The following UNC5D variants were observed in gnomAD, a reference collection of about 807,000 sequenced individuals.
The protein encoded by UNC5D is unc-5 netrin receptor D.
In UNC5D, 39 loss-of-function variants were observed where a neutral mutation model predicts 105.4. The ratio of observed to expected loss-of-function variants is 0.37; its 90% CI spans 0.29 to 0.48. UNC5D has a LOEUF of 0.48. UNC5D is among the 20% of genes least tolerant of loss of function. The probability of loss-of-function intolerance (pLI) is 0.98; values close to 1 mark genes in which losing one functional copy is unlikely to be tolerated. For missense variants in UNC5D, 991 were observed against 1,202.4 expected, an observed-to-expected ratio of 0.82 and a Z score of 2.60; for synonymous variants, 452 against 450.4, an observed-to-expected ratio of 1.00 and a Z score of -0.04.
In UNC5D at chr8:35,237,941, A is replaced by G. The variant is rs564362233; in HGVS notation, c.103+2054A>G. On this transcript the variant is annotated intron_variant, in intron 1 of 16. Transcript: ENST00000404895. Reference sequence around the variant, plus strand: ...AGTGCTTATGAAGTTCTCCCTTCCCAGAAAGGTGTCCATTCATTAAAACCA... The same window carrying G: ...AGTGCTTATGAAGTTCTCCCTTCCCGGAAAGGTGTCCATTCATTAAAACCA... 5.6e-4 allele frequency among the ~76,000 whole-genome samples: 86 copies of G among 152,310 alleles called. 1 individual carries two copies. The highest frequency in any genetic ancestry group is 1.8e-3 in the African/African-American group (76 of 41,568).
At chr8:35,668,541 C>G (rs1035623384) in intron 4 of UNC5D, among the ~76,000 whole-genome samples, 1 of 151,894 alleles carries the variant, frequency 6.6e-6, no homozygotes, top group African/African-American at 2.4e-5. Flanking sequence ...AGAATATTTA[C>G]CCATGCTTTC....
intron 16 of UNC5D, among the ~76,000 whole-genome samples, chr8:35,775,774 G>A (rs1255106538): frequency 1.3e-5 from 2 of 152,112 alleles, no homozygotes; most frequent in Admixed American, 6.6e-5. Context: ...AGTTGCAAAA[G>A]GGATCCAGAA....
At chr8:35,333,942 T>C (rs1457903160) in intron 1 of UNC5D, among the ~76,000 whole-genome samples, 1 of 152,220 alleles carries the variant, frequency 6.6e-6, no homozygotes, top group African/African-American at 2.4e-5. Context: ...GAGCTTCAGA[T>C]TCAGCTGTAA....
chr8:35,575,796 T>C (rs958414681), intron 3 of UNC5D, among the ~76,000 whole-genome samples: 1 of 152,126 alleles, frequency 6.6e-6, no homozygotes, highest in African/African-American at 2.4e-5. Flanking sequence ...GAAATTAATA[T>C]ATAGGAATAC....
At chr8:35,449,955 A>G (rs1213357503) in intron 1 of UNC5D, among the ~76,000 whole-genome samples, 1 of 152,134 alleles carries the variant, frequency 6.6e-6, no homozygotes, top group African/African-American at 2.4e-5. Context: ...TCAAGAATCC[A>G]TTCCCATTTA....
At chr8:35,686,435 G>T in intron 6 of UNC5D, 110 bp from the exon 7 acceptor site, 2 of 1,171,758 alleles carry the variant, frequency 1.7e-6, no homozygotes, top group Non-Finnish European at 2.3e-6. Context: ...GTTTCTGTTT[G>T]GTGGTTATTT....
In UNC5D at chr8:35,425,998, G is replaced by A. The variant is rs145421923; in HGVS notation, c.104-123294G>A. 4.6e-5 allele frequency among the ~76,000 whole-genome samples: 7 copies of A among 151,938 alleles called. No individual in the cohort carries two copies. In the South Asian group the frequency reaches 6.2e-4, roughly 14 times the overall value. On this transcript the variant is annotated intron_variant, in intron 1 of 16. Coordinates refer to ENST00000404895, the MANE Select transcript of UNC5D (RefSeq NM_080872.4). ...CCTGACACATAACCCTCCATGTAAC[G>A]CCATGAACGACAGAAATTTAACCAA...
chr8:35,745,395 G>T, intron 11 of UNC5D, among the ~76,000 whole-genome samples: 1 of 152,140 alleles, frequency 6.6e-6, no homozygotes, highest in East Asian at 1.9e-4. Flanking sequence ...GGCATTTTTA[G>T]TAGGATGACT....
intron 11 of UNC5D, among the ~76,000 whole-genome samples, chr8:35,738,843 T>A (rs1016364424): frequency 6.6e-6 from 1 of 152,232 alleles, no homozygotes; most frequent in African/African-American, 2.4e-5. Flanking sequence ...TGAAAATGCG[T>A]GAATCGTCCA....
chr8:35,294,857 T>G (rs567193492), intron 1 of UNC5D, among the ~76,000 whole-genome samples: 1 of 152,284 alleles, frequency 6.6e-6, no homozygotes, highest in East Asian at 1.9e-4. Flanking sequence ...ACACTCAGCA[T>G]CACTAGTGGT....
At chr8:35,652,212 A>T (rs1823457342) in intron 4 of UNC5D, among the ~76,000 whole-genome samples, 1 of 152,210 alleles carries the variant, frequency 6.6e-6, no homozygotes, top group Admixed American at 6.5e-5. Context: ...ATGTTATTTT[A>T]TGATGGTTAA....
intron 4 of UNC5D, among the ~76,000 whole-genome samples, chr8:35,665,123 C>T (rs1247688833): frequency 6.6e-6 from 1 of 152,224 alleles, no homozygotes; most frequent in Non-Finnish European, 1.5e-5. Flanking sequence ...ATGTGAGCCA[C>T]TGTGCCCAGC....
chr8:35,774,275 A>T, intron 15 of UNC5D, 24 bp from the exon 16 acceptor site: 2 of 1,613,508 alleles, frequency 1.2e-6, no homozygotes, highest in Non-Finnish European at 1.7e-6. Context: ...AGATCTGATC[A>T]TGCGTTCCTT....
chr8:35,709,350 AGAGT>A (rs1313325943), intron 8 of UNC5D, among the ~76,000 whole-genome samples: 3 of 152,194 alleles, frequency 2.0e-5, no homozygotes, highest in African/African-American at 7.2e-5. Context: ...TGACAGGGTT[AGAGT>A]GAGTGATGCT....
At chr8:35,581,301 C>A (rs148687840) in intron 3 of UNC5D, among the ~76,000 whole-genome samples, 1,542 of 152,196 alleles carry the variant, frequency 0.01, 15 homozygotes, top group Admixed American at 0.02. Flanking sequence ...GCTTTGTTTG[C>A]TGTCTATATT....
In UNC5D at chr8:35,781,204, G is replaced by A. The variant is rs139180838; in HGVS notation, c.2657+6727G>A. On this transcript the variant is annotated intron_variant, in intron 16 of 16. Transcript: ENST00000404895. Reference sequence around the variant, plus strand: ...GTGGTAGAGGTTTGGGCTTCATTTTGTCAAAGCCAGTGATTCATGAAACTG... The same window carrying A: ...GTGGTAGAGGTTTGGGCTTCATTTTATCAAAGCCAGTGATTCATGAAACTG... Among the ~76,000 whole-genome samples the A allele has an allele frequency of 6.6e-4, 101 of 152,266 alleles. 1 individual carries two copies. Among genetic ancestry groups the A allele is most frequent in the African/African-American group, 2.0e-3 (82 of 41,538 alleles).
chr8:35,745,906 G>A (rs1829979496), intron 11 of UNC5D, among the ~76,000 whole-genome samples: 1 of 151,958 alleles, frequency 6.6e-6, no homozygotes, highest in Non-Finnish European at 1.5e-5. Flanking sequence ...GCAGGGACAT[G>A]TATACTGCCT....
At chr8:35,491,681 A>AGT (rs1393500154) in intron 1 of UNC5D, among the ~76,000 whole-genome samples, 5 of 152,250 alleles carry the variant, frequency 3.3e-5, no homozygotes, top group Middle Eastern at 3.4e-3. Flanking sequence ...AGCATCTAGG[A>AGT]GTAGTGCTCT....
intron 3 of UNC5D, among the ~76,000 whole-genome samples, chr8:35,568,830 A>G (rs1035830439): frequency 1.3e-5 from 2 of 152,204 alleles, no homozygotes; most frequent in African/African-American, 4.8e-5. Flanking sequence ...AGAGAATGAA[A>G]TTCATGCAAA....
Sources: gnomAD v4.1 joint callset for allele counts (sites outside exome capture counted in the v4.1 genomes callset) on GRCh38, gnomAD v4.1.1 for gene constraint, MANE v1.5 for transcripts, NCBI Gene and HGNC (gene_info 2026-07-23, HGNC 2026-07-21) for gene names.